RANBP2: variants seen among roughly 807,000 people sequenced by gnomAD.
The protein encoded by RANBP2 is RAN binding protein 2, also known as E3 SUMO-protein ligase RanBP2.
In RANBP2, 57 loss-of-function variants were observed where a neutral mutation model predicts 303.6. The ratio of observed to expected loss-of-function variants is 0.19; its 90% CI spans 0.15 to 0.23. The LOEUF (loss-of-function observed/expected upper bound fraction) is 0.23. RANBP2 is among the 10% of genes least tolerant of loss of function. The pLI, the probability that RANBP2 is intolerant of heterozygous loss-of-function variation, is 1.00. For synonymous variants in RANBP2, 1,167 were observed against 1,301.5 expected, an observed-to-expected ratio of 0.90 and a Z score of 2.23; for missense variants, 3,138 against 3,780.8, an observed-to-expected ratio of 0.83 and a Z score of 4.46.
intron 1 of RANBP2, among the ~76,000 whole-genome samples, chr2:108,723,231 T>C (rs1180611675): frequency 4.6e-5 from 7 of 152,076 alleles, no homozygotes; most frequent in Non-Finnish European, 7.4e-5. Context: ...AACACACATA[T>C]ATACTTTTGT....
chr2:109,657,423 G>A, the RANBP2 span, among the ~76,000 whole-genome samples: 1 of 152,108 alleles, frequency 6.6e-6, no homozygotes, highest in Non-Finnish European at 1.5e-5. Context: ...ACTCCAGCCT[G>A]GGCAACGGAG....
chr2:109,682,580 G>A, the RANBP2 span, among the ~76,000 whole-genome samples: 4 of 152,106 alleles, frequency 2.6e-5, no homozygotes, highest in African/African-American at 9.7e-5. Flanking sequence ...CATGAAGACG[G>A]GTCAGACCTG....
the RANBP2 span, among the ~76,000 whole-genome samples, chr2:108,869,853 T>G: frequency 6.6e-6 from 1 of 152,116 alleles, no homozygotes; most frequent in African/African-American, 2.4e-5. Flanking sequence ...GGGTGGTTTT[T>G]TCAAATGTCA....
chr2:109,644,717 G>A, the RANBP2 span, among the ~76,000 whole-genome samples: 1 of 152,182 alleles, frequency 6.6e-6, no homozygotes, highest in Non-Finnish European at 1.5e-5. Flanking sequence ...CTGCCTGGAT[G>A]AGGCCGCTGG....
At chr2:108,774,015 T>C (rs1342870741) in intron 23 of RANBP2, among the ~76,000 whole-genome samples, 2 of 152,212 alleles carry the variant, frequency 1.3e-5, no homozygotes, top group Non-Finnish European at 2.9e-5. Flanking sequence ...TGTATATTTG[T>C]TACAGTTGAT....
the RANBP2 span, among the ~76,000 whole-genome samples, chr2:109,712,442 A>AT: frequency 0.013 from 1,980 of 152,048 alleles, 25 homozygotes; most frequent in Middle Eastern, 0.024. Context: ...ATTTTATTTT[A>AT]TTTTTTTGAG....
chr2:109,013,050 T>C, the RANBP2 span, among the ~76,000 whole-genome samples: 1 of 152,232 alleles, frequency 6.6e-6, no homozygotes, highest in Admixed American at 6.5e-5. Flanking sequence ...CAGGTGAGTT[T>C]AACACCTAAC....
chr2:109,385,357 C>T, the RANBP2 span, among the ~76,000 whole-genome samples: 1 of 152,234 alleles, frequency 6.6e-6, no homozygotes, highest in Non-Finnish European at 1.5e-5. Flanking sequence ...ACCCCAGTGT[C>T]CCCTGAGTCA....
chr2:109,225,373 G>A, the RANBP2 span, among the ~76,000 whole-genome samples: 2 of 152,300 alleles, frequency 1.3e-5, no homozygotes, highest in East Asian at 3.9e-4. Context: ...TCCGGGCTCC[G>A]CTTGGACCCA....
At chr2:108,739,574 G>A (rs996710332) in intron 6 of RANBP2, among the ~76,000 whole-genome samples, 7 of 152,120 alleles carry the variant, frequency 4.6e-5, no homozygotes, top group African/African-American at 1.7e-4. Context: ...TTGCTTTATT[G>A]TAAGCCACTT....
chr2:109,413,297 A>G, the RANBP2 span, among the ~76,000 whole-genome samples: 1 of 152,144 alleles, frequency 6.6e-6, no homozygotes, highest in Admixed American at 6.5e-5. Context: ...GTATTTTAGT[A>G]GAGACAGGGT....
the RANBP2 span, among the ~76,000 whole-genome samples, chr2:108,861,181 T>A: frequency 6.6e-6 from 1 of 151,796 alleles, no homozygotes. Flanking sequence ...AATGTCACCT[T>A]TATCATTTCT....
chr2:109,203,102 C>A, the RANBP2 span, among the ~76,000 whole-genome samples: 2 of 152,106 alleles, frequency 1.3e-5, no homozygotes, highest in Non-Finnish European at 2.9e-5. Flanking sequence ...CACTGGTGGC[C>A]CTGCACGGTG....
At chr2:108,865,751 C>T in the RANBP2 span, among the ~76,000 whole-genome samples, 2 of 152,172 alleles carry the variant, frequency 1.3e-5, no homozygotes, top group African/African-American at 4.8e-5. Context: ...ACTCCCCTAT[C>T]CATTCCCAGG....
chr2:109,465,813 A>C, the RANBP2 span, among the ~76,000 whole-genome samples: 1 of 152,212 alleles, frequency 6.6e-6, no homozygotes, highest in South Asian at 2.1e-4. Context: ...ATACACCTTT[A>C]AACAATCAGG....
the RANBP2 span, among the ~76,000 whole-genome samples, chr2:109,367,464 T>G: frequency 6.6e-6 from 1 of 152,002 alleles, no homozygotes; most frequent in East Asian, 1.9e-4. Flanking sequence ...GTATTTTTAA[T>G]AGAAACGGGG....
intron 4 of RANBP2, among the ~76,000 whole-genome samples, chr2:108,732,907 TC>T (rs1695285152): frequency 6.6e-6 from 1 of 152,204 alleles, no homozygotes; most frequent in Non-Finnish European, 1.5e-5. Context: ...CACTGCCACC[TC>T]CGCCTCCCAG....
chr2:109,176,044 C>T, the RANBP2 span, among the ~76,000 whole-genome samples: 2 of 152,226 alleles, frequency 1.3e-5, no homozygotes, highest in African/African-American at 4.8e-5. Context: ...ACTCTGTCTT[C>T]ACTGGGGGCC....
At chr2:109,018,182 G>A in the RANBP2 span, among the ~76,000 whole-genome samples, 1 of 152,188 alleles carries the variant, frequency 6.6e-6, no homozygotes, top group Non-Finnish European at 1.5e-5. Context: ...CAGTGAAATG[G>A]AGCCACATGT....
Sources: gnomAD v4.1 joint callset for allele counts (sites outside exome capture counted in the v4.1 genomes callset) on GRCh38, gnomAD v4.1.1 for gene constraint, MANE v1.5 for transcripts, NCBI Gene and HGNC (gene_info 2026-07-23, HGNC 2026-07-21) for gene names.